The following PALM2AKAP2 variants were observed in gnomAD, a reference collection of about 807,000 sequenced individuals.
PALM2AKAP2 encodes the protein PALM2 and AKAP2 fusion.
A neutral mutation model predicts 71.5 loss-of-function variants in PALM2AKAP2; 37 were observed. The observed-to-expected ratio is 0.52, with a 90% CI of 0.40 to 0.68. The LOEUF is 0.68. Among genes scored for constraint, PALM2AKAP2 ranks in the 30% least tolerant of loss-of-function variants. The pLI, the probability that PALM2AKAP2 is intolerant of heterozygous loss-of-function variation, is 0.00. For synonymous variants in PALM2AKAP2, 468 were observed against 478.8 expected, an observed-to-expected ratio of 0.98 and a Z score of 0.29; for missense variants, 1,224 against 1,191.8, an observed-to-expected ratio of 1.03 and a Z score of -0.40.
Position 109,804,730 on chromosome 9 carries a change from T to C in PALM2AKAP2, c.45+24197T>C, listed in dbSNP as rs570129958. ...AATTGGTTGATTTTTCCTTTAGACC[T>C]TCCAGGATAAAGGATTTTTTATTTT... On this transcript the variant is annotated intron_variant, in intron 1 of 9. Coordinates refer to the PALM2AKAP2 transcript ENST00000302798. Among the ~76,000 whole-genome samples the C allele has an allele frequency of 7.2e-5, 11 of 152,202 alleles. No individual in the cohort carries two copies. The South Asian group carries it at 1.0e-3, about 14-fold the overall frequency.
intron 1 of PALM2AKAP2, among the ~76,000 whole-genome samples, chr9:109,833,621 T>G (rs1306657886): frequency 6.6e-6 from 1 of 152,172 alleles, no homozygotes; most frequent in Non-Finnish European, 1.5e-5. Context: ...CATGATTCAG[T>G]TGGGGAGTTA....
At chr9:109,681,946 C>T (rs889410861) in intron 1 of PALM2AKAP2, among the ~76,000 whole-genome samples, 1 of 152,202 alleles carries the variant, frequency 6.6e-6, no homozygotes, top group African/African-American at 2.4e-5. Flanking sequence ...AGAACAGAAG[C>T]ATTTAAATGC....
At chr9:110,153,364 C>T (rs1587867814) in intron 2 of PALM2AKAP2, among the ~76,000 whole-genome samples, 2 of 152,304 alleles carry the variant, frequency 1.3e-5, no homozygotes, top group East Asian at 1.9e-4. Context: ...CCAGGTGTCA[C>T]GACATCCACC....
chr9:109,973,020 A>T (rs1374888732), intron 6 of PALM2AKAP2, among the ~76,000 whole-genome samples: 2 of 152,198 alleles, frequency 1.3e-5, no homozygotes, highest in Admixed American at 1.3e-4. Flanking sequence ...TATAAGTTGG[A>T]ATCAATAATC....
At position 109,656,413 on chromosome 9, in the gene PALM2AKAP2, T is replaced by C. The variant is rs559892760; in HGVS notation, c.5+15547T>C. 2.6e-5 allele frequency among the ~76,000 whole-genome samples: 4 copies of C among 152,304 alleles called. No homozygotes were observed. In the South Asian group the frequency reaches 8.3e-4, roughly 32 times the overall value. On this transcript the variant is annotated intron_variant, in intron 1 of 6. Transcript: ENST00000374531. ...AAAAACATATCTTCCTTTTGCAAAC[T>C]TTACAAAAACATGCCCATCCCTTGA...
At chr9:109,961,652 T>G (rs1206833073) in intron 6 of PALM2AKAP2, among the ~76,000 whole-genome samples, 1 of 152,228 alleles carries the variant, frequency 6.6e-6, no homozygotes, top group Non-Finnish European at 1.5e-5. Flanking sequence ...ATCTCTGCTT[T>G]GTCAACTACT....
chr9:109,799,612 T>G (rs568655459), intron 1 of PALM2AKAP2, among the ~76,000 whole-genome samples: 9 of 152,318 alleles, frequency 5.9e-5, no homozygotes, highest in Admixed American at 6.5e-5. Context: ...TCTCACTTCA[T>G]CCTCTCATGT....
chr9:109,689,200 CTTTTTTT>C (rs200092612), intron 1 of PALM2AKAP2, among the ~76,000 whole-genome samples: 80 of 134,128 alleles, frequency 6.0e-4, no homozygotes, highest in Middle Eastern at 3.8e-3. Flanking sequence ...TTTTTCTTTT[CTTTTTTT>C]TTTTTTTTTT....
At chr9:109,698,272 A>ATTT (rs774359983) in intron 1 of PALM2AKAP2, among the ~76,000 whole-genome samples, 1,336 of 118,518 alleles carry the variant, frequency 0.011, 63 homozygotes, top group African/African-American at 0.04. Flanking sequence ...TGTGTGCTAC[A>ATTT]TTTTTTTTTT....
At chr9:109,873,064 G>T (rs764256124) in intron 2 of PALM2AKAP2, among the ~76,000 whole-genome samples, 2 of 152,178 alleles carry the variant, frequency 1.3e-5, no homozygotes. Flanking sequence ...GAAGGAAAGA[G>T]TGGGAAGGAT....
chr9:109,956,708 C>T (rs1348498116), intron 6 of PALM2AKAP2, among the ~76,000 whole-genome samples: 1 of 152,158 alleles, frequency 6.6e-6, no homozygotes, highest in Non-Finnish European at 1.5e-5. Context: ...TACCAGCTCG[C>T]TCCTGTTAAA....
intron 6 of PALM2AKAP2, among the ~76,000 whole-genome samples, chr9:110,000,065 G>A (rs1832653804): frequency 6.6e-6 from 1 of 150,858 alleles, no homozygotes; most frequent in South Asian, 2.1e-4. Flanking sequence ...CAACATGCAG[G>A]TTTGTTACAT....
intron 1 of PALM2AKAP2, among the ~76,000 whole-genome samples, chr9:109,833,473 T>C (rs886679559): frequency 6.6e-6 from 1 of 152,162 alleles, no homozygotes; most frequent in Non-Finnish European, 1.5e-5. Flanking sequence ...GGCATGGAGC[T>C]CCCAGTCCAG....
chr9:109,673,482 G>A (rs1827605157), intron 1 of PALM2AKAP2, among the ~76,000 whole-genome samples: 1 of 151,938 alleles, frequency 6.6e-6, no homozygotes, highest in South Asian at 2.1e-4. Flanking sequence ...TACGATTTCA[G>A]TTGTATTGCA....
chr9:109,738,015 G>A (rs534220362), intron 1 of PALM2AKAP2, among the ~76,000 whole-genome samples: 1 of 152,324 alleles, frequency 6.6e-6, no homozygotes, highest in East Asian at 1.9e-4. Flanking sequence ...AAGAGGCACA[G>A]ACAATCATTA....
intron 6 of PALM2AKAP2, among the ~76,000 whole-genome samples, chr9:110,006,550 A>G (rs1326099734): frequency 6.6e-6 from 1 of 151,704 alleles, no homozygotes; most frequent in Admixed American, 6.6e-5. Flanking sequence ...GTTTTTAGAG[A>G]TGGGGTCTCG....
At position 109,731,498 on chromosome 9, in the gene PALM2AKAP2, C is replaced by T. The variant is rs1040128275; in HGVS notation, c.6-48990C>T. ...TGAATCCAGTAAAAAGAATGGTGAA[C>T]TAGAATGTTTAAACTGGAGTGAAAT... On this transcript the variant is annotated intron_variant, in intron 1 of 6. Transcript: ENST00000374531. Among the ~76,000 whole-genome samples the T allele has an allele frequency of 2.0e-5, 3 of 152,132 alleles. No homozygotes were observed. In the South Asian group the frequency reaches 6.2e-4, roughly 32 times the overall value.
At chr9:109,645,134 C>G (rs1827130624) in intron 1 of PALM2AKAP2, among the ~76,000 whole-genome samples, 1 of 152,104 alleles carries the variant, frequency 6.6e-6, no homozygotes, top group African/African-American at 2.4e-5. Context: ...GGGCAATTTA[C>G]AAAGGAAAGA....
At chr9:109,693,882 A>G (rs916499173) in intron 1 of PALM2AKAP2, among the ~76,000 whole-genome samples, 3 of 152,064 alleles carry the variant, frequency 2.0e-5, no homozygotes, top group South Asian at 4.1e-4. Flanking sequence ...TATACTTGAA[A>G]TGAATATACA....
Sources: gnomAD v4.1 joint callset for allele counts (sites outside exome capture counted in the v4.1 genomes callset) on GRCh38, gnomAD v4.1.1 for gene constraint, MANE v1.5 for transcripts, NCBI Gene and HGNC (gene_info 2026-07-23, HGNC 2026-07-21) for gene names.